NMNAT2: variants seen among roughly 807,000 people sequenced by gnomAD.
NMNAT2 encodes nicotinamide nucleotide adenylyltransferase 2, also known as nicotinamide/nicotinic acid mononucleotide adenylyltransferase 2.
In NMNAT2, 11 loss-of-function variants were observed where a neutral mutation model predicts 41.6. The ratio of observed to expected loss-of-function variants is 0.26; its 90% confidence interval spans 0.17 to 0.44. The LOEUF (loss-of-function observed/expected upper bound fraction) is 0.44, where lower values mean the gene tolerates loss of function less well. Among genes scored for constraint, NMNAT2 ranks in the 20% least tolerant of loss-of-function variants. The probability of loss-of-function intolerance (pLI) is 1.00; values close to 1 mark genes in which losing one functional copy is unlikely to be tolerated. For missense variants in NMNAT2, 288 were observed against 407.7 expected, an observed-to-expected ratio of 0.71 and a Z score of 2.53; for synonymous variants, 148 against 151.2, an observed-to-expected ratio of 0.98 and a Z score of 0.16.
rs1662702513 is a variant in NMNAT2 at position 183,337,568 on chromosome 1, G to GGAAAA, written c.86-43776_86-43775insTTTTC. 1.1e-4 allele frequency among the ~76,000 whole-genome samples: 3 copies of GGAAAA among 27,774 alleles called. No individual in the cohort carries two copies. The South Asian group carries it at 3.7e-3, about 34-fold the overall frequency. 18.2% of individuals were successfully genotyped at this position (27,774 alleles called of 152,430 possible). On this transcript the variant is annotated intron_variant, in intron 1 of 10. Coordinates refer to ENST00000287713, the MANE Select transcript of NMNAT2 (RefSeq NM_015039.4). ...TAATCTTAACCACCTCCTCTCCACAGCAAAAAAAAAAAAAAAAAAAATACC... is the reference window on the plus strand; with the variant it reads ...TAATCTTAACCACCTCCTCTCCACAGGAAAACAAAAAAAAAAAAAAAAAAAATACC...
At chr1:183,389,845 GAAAAA>G (rs1378080044) in intron 1 of NMNAT2, among the ~76,000 whole-genome samples, 6 of 43,944 alleles carry the variant, frequency 1.4e-4, no homozygotes, top group African/African-American at 2.9e-4. Flanking sequence ...AGAAAGAAAG[GAAAAA>G]AGAGAAAGAA....
rs963395383 is a variant in NMNAT2 at position 183,249,533 on chromosome 1, G to C, written c.*3108C>G. 2.6e-5 allele frequency: 4 copies of C among 152,168 alleles called. No individual in the cohort carries two copies. Among genetic ancestry groups the C allele is most frequent in the African/African-American group, 9.7e-5 (4 of 41,378 alleles). 9.4% of individuals were successfully genotyped at this position (152,168 alleles called of 1,614,324 possible). Reference sequence around the variant, plus strand: ...GAACAGGACCCCAGAGACAAAGTCGGGGGGTAGAGGTTATCCTGTTGGCAC... The same window carrying C: ...GAACAGGACCCCAGAGACAAAGTCGCGGGGTAGAGGTTATCCTGTTGGCAC... On this transcript the variant is annotated 3_prime_UTR_variant, in exon 11 of 11. Transcript: ENST00000287713.
intron 1 of NMNAT2, among the ~76,000 whole-genome samples, chr1:183,416,538 A>G (rs1649256158): frequency 6.6e-6 from 1 of 152,242 alleles, no homozygotes; most frequent in African/African-American, 2.4e-5. Flanking sequence ...AAGACTGATG[A>G]CATGCTCTTG....
At chr1:183,341,351 A>G (rs1662796974) in intron 1 of NMNAT2, among the ~76,000 whole-genome samples, 1 of 151,982 alleles carries the variant, frequency 6.6e-6, no homozygotes, top group Admixed American at 6.6e-5. Flanking sequence ...CTGGCCACAC[A>G]TAATAGACAC....
At chr1:183,383,147 T>C (rs1382239944) in intron 1 of NMNAT2, among the ~76,000 whole-genome samples, 1 of 152,224 alleles carries the variant, frequency 6.6e-6, no homozygotes, top group Non-Finnish European at 1.5e-5. Flanking sequence ...CCAAGGCTTA[T>C]GGCTTGTACT....
chr1:183,405,222 A>T (rs903483846), intron 1 of NMNAT2, among the ~76,000 whole-genome samples: 1 of 152,062 alleles, frequency 6.6e-6, no homozygotes, highest in Non-Finnish European at 1.5e-5. Context: ...TCTGTCTTTA[A>T]AAAAAATGAA....
chr1:183,284,098 A>G (rs1661340207), intron 6 of NMNAT2, 59 bp from the exon 7 acceptor site: 1 of 1,379,630 alleles, frequency 7.2e-7, no homozygotes, highest in Non-Finnish European at 1.0e-6. Flanking sequence ...TACCCAACAC[A>G]CAGTCTGCCT....
intron 1 of NMNAT2, among the ~76,000 whole-genome samples, chr1:183,316,813 T>A (rs990048317): frequency 2.0e-5 from 3 of 152,202 alleles, no homozygotes; most frequent in Non-Finnish European, 4.4e-5. Flanking sequence ...CTAGGTAAAA[T>A]GTGTTGGAAA....
chr1:183,351,851 A>T (rs1395738095), intron 1 of NMNAT2, among the ~76,000 whole-genome samples: 1 of 152,178 alleles, frequency 6.6e-6, no homozygotes, highest in Admixed American at 6.5e-5. Flanking sequence ...GACTTGAATG[A>T]TCAACTCATC....
Position 183,353,408 on chromosome 1 carries a change from T to C in NMNAT2, c.86-59615A>G, listed in dbSNP as rs972817523. On this transcript the variant is annotated intron_variant, in intron 1 of 10. Coordinates refer to ENST00000287713, the MANE Select transcript of NMNAT2 (RefSeq NM_015039.4). ...TTTCCATTCATCCTTCTCCTTTTGA[T>C]ATTTTCTCAAATCAGAAAAGTTGGA... Among the ~76,000 whole-genome samples the C allele has an allele frequency of 3.1e-4, 47 of 152,230 alleles. 1 individual carries two copies.
chr1:183,292,676 C>T (rs1661574718), intron 3 of NMNAT2, 114 bp downstream of exon 3: 10 of 942,322 alleles, frequency 1.1e-5, no homozygotes, highest in Non-Finnish European at 1.5e-5. Context: ...TATCTTGCCC[C>T]TGCCTCCCCA....
At chr1:183,293,887 G>T (rs1661610963) in intron 1 of NMNAT2, 94 bp from the exon 2 acceptor site, 4 of 830,202 alleles carry the variant, frequency 4.8e-6, no homozygotes, top group South Asian at 1.6e-5. Context: ...GTAATGCTGG[G>T]GTTTATTTCC....
chr1:183,374,301 C>G (rs571342863), intron 1 of NMNAT2, among the ~76,000 whole-genome samples: 2 of 152,118 alleles, frequency 1.3e-5, no homozygotes, highest in Non-Finnish European at 2.9e-5. Context: ...CTTGCACCCC[C>G]CTGGCTCTGG....
chr1:183,414,238 G>C (rs2101933856), intron 1 of NMNAT2, among the ~76,000 whole-genome samples: 1 of 152,082 alleles, frequency 6.6e-6, no homozygotes, highest in Non-Finnish European at 1.5e-5. Context: ...CTACAGCCTG[G>C]GCAACAGAGC....
At chr1:183,311,641 C>G (rs1450160331) in intron 1 of NMNAT2, among the ~76,000 whole-genome samples, 1 of 151,920 alleles carries the variant, frequency 6.6e-6, no homozygotes, top group East Asian at 1.9e-4. Flanking sequence ...ATTTACTTTT[C>G]TCACACAGGA....
intron 8 of NMNAT2, among the ~76,000 whole-genome samples, chr1:183,263,569 A>G (rs12027380): frequency 0.1 from 15,210 of 152,278 alleles, 893 homozygotes; most frequent in East Asian, 0.2. Flanking sequence ...CTGTAATCCC[A>G]GCACTTTGGG....
intron 1 of NMNAT2, among the ~76,000 whole-genome samples, chr1:183,322,686 C>A (rs1662378755): frequency 6.6e-6 from 1 of 152,188 alleles, no homozygotes. Flanking sequence ...TGGAGCCTAA[C>A]CTCTTCCCCA....
chr1:183,368,940 A>G (rs1309108620), intron 1 of NMNAT2, among the ~76,000 whole-genome samples: 3 of 152,186 alleles, frequency 2.0e-5, no homozygotes, highest in Non-Finnish European at 4.4e-5. Context: ...ATGGGCAGGG[A>G]GAGCTCTTCT....
chr1:183,381,159 G>A (rs1338094685), intron 1 of NMNAT2, among the ~76,000 whole-genome samples: 1 of 152,146 alleles, frequency 6.6e-6, no homozygotes, highest in Non-Finnish European at 1.5e-5. Context: ...GTGGGAGAGA[G>A]ACTGATTACA....
Sources: gnomAD v4.1 joint callset for allele counts (sites outside exome capture counted in the v4.1 genomes callset) on GRCh38, gnomAD v4.1.1 for gene constraint, MANE v1.5 for transcripts, NCBI Gene and HGNC (gene_info 2026-07-23, HGNC 2026-07-21) for gene names.